The following NRG3 variants were observed in gnomAD, a reference collection of about 807,000 sequenced individuals.
NRG3 encodes neuregulin 3, also known as pro-neuregulin-3, membrane-bound isoform.
A neutral mutation model predicts 66.9 loss-of-function variants in NRG3; 31 were observed. That is an observed-to-expected ratio of 0.46 (90% CI 0.35 to 0.63). NRG3 has a LOEUF of 0.63. NRG3 is among the 20% of genes least tolerant of loss of function. The pLI, the probability that NRG3 is intolerant of heterozygous loss-of-function variation, is 0.00. For missense variants in NRG3, 910 were observed against 878.9 expected (o/e 1.04, Z -0.45); for synonymous variants, 393 against 359.4 (o/e 1.09, Z -1.06).
intron 2 of NRG3, among the ~76,000 whole-genome samples, chr10:82,362,331 A>G (rs532616501): frequency 5.0e-4 from 62 of 123,776 alleles, no homozygotes; most frequent in African/African-American, 2.2e-3. Context: ...GTGTATATAT[A>G]TATGTGTGTG....
At chr10:82,644,096 T>C (rs1248954150) in intron 2 of NRG3, among the ~76,000 whole-genome samples, 4 of 152,170 alleles carry the variant, frequency 2.6e-5, no homozygotes, top group Non-Finnish European at 5.9e-5. Context: ...TTCTGCCTTG[T>C]CTGCCAGCTT....
At chr10:81,970,708 G>C (rs562615138) in intron 1 of NRG3, among the ~76,000 whole-genome samples, 1 of 151,990 alleles carries the variant, frequency 6.6e-6, no homozygotes. Context: ...GCTAGACCAA[G>C]GTATGGAGAG....
chr10:82,435,857 G>C (rs139948197), intron 2 of NRG3, among the ~76,000 whole-genome samples: 380 of 148,088 alleles, frequency 2.6e-3, no homozygotes, highest in African/African-American at 9.0e-3. Context: ...TTGGTTTTGA[G>C]TGAGTTTCTT....
intron 3 of NRG3, among the ~76,000 whole-genome samples, chr10:82,795,227 T>A (rs1050116165): frequency 2.6e-5 from 4 of 152,222 alleles, no homozygotes; most frequent in Admixed American, 6.5e-5. Context: ...TGACATTTTT[T>A]AAAAAGTTAC....
At chr10:82,707,018 A>ATAT (rs2056344007) in intron 2 of NRG3, among the ~76,000 whole-genome samples, 115 of 141,308 alleles carry the variant, frequency 8.1e-4, no homozygotes, top group African/African-American at 2.9e-3. Context: ...AAATAAAATA[A>ATAT]ATATATATAT....
intron 3 of NRG3, among the ~76,000 whole-genome samples, chr10:82,856,756 C>CAAAAAAAAAAAAAAAAAAAAAA (rs67224862): frequency 1.1e-4 from 12 of 107,462 alleles, no homozygotes; most frequent in Non-Finnish European, 1.2e-4. Context: ...AAAAAAAAAA[C>CAAAAAAAAAAAAAAAAAAAAAA]AAAAAAAAAA....
intron 2 of NRG3, among the ~76,000 whole-genome samples, chr10:82,496,181 C>G (rs1320565434): frequency 1.3e-5 from 2 of 152,100 alleles, no homozygotes; most frequent in Non-Finnish European, 2.9e-5. Flanking sequence ...TACATTCAAA[C>G]AATTTTAGGT....
rs140711526 is a variant in NRG3 at position 82,339,488 on chromosome 10, A to G, written c.824-19251A>G. 8.2e-3 allele frequency among the ~76,000 whole-genome samples: 1,246 copies of G among 152,242 alleles called. 9 individuals are homozygous for G. Among genetic ancestry groups the G allele is most frequent in the South Asian group, 0.023 (111 of 4,814 alleles). ...CAGATCTTGTGAGAACTCACTCACT[A>G]TCACGAGAACAGCATGGGGGAGGCT... is the stretch of plus-strand genomic sequence containing the variant. On this transcript the variant is annotated intron_variant, in intron 1 of 8. Coordinates refer to ENST00000372141, the MANE Select transcript of NRG3 (RefSeq NM_001010848.4).
intron 1 of NRG3, among the ~76,000 whole-genome samples, chr10:82,315,667 GTTT>G (rs754250306): frequency 7.3e-6 from 1 of 136,348 alleles, no homozygotes; most frequent in Non-Finnish European, 1.6e-5. Flanking sequence ...TACGTTTGTT[GTTT>G]TTTTTTTTTT....
At chr10:82,850,252 G>A (rs751701243) in intron 3 of NRG3, among the ~76,000 whole-genome samples, 3 of 152,144 alleles carry the variant, frequency 2.0e-5, no homozygotes, top group Non-Finnish European at 4.4e-5. Context: ...AGAGAATTTG[G>A]CTTGCTGTAG....
chr10:82,011,038 G>A (rs2061554527), intron 1 of NRG3, among the ~76,000 whole-genome samples: 1 of 152,170 alleles, frequency 6.6e-6, no homozygotes, highest in South Asian at 2.1e-4. Context: ...TGACAGAAGT[G>A]TTTCCAACTA....
At chr10:81,950,783 A>G (rs929070435) in intron 1 of NRG3, among the ~76,000 whole-genome samples, 2 of 152,230 alleles carry the variant, frequency 1.3e-5, no homozygotes, top group Admixed American at 6.5e-5. Context: ...ACACAGCTAT[A>G]AAAGGCAACG....
intron 2 of NRG3, among the ~76,000 whole-genome samples, chr10:82,495,278 C>T (rs1843515622): frequency 1.3e-5 from 2 of 152,078 alleles, no homozygotes; most frequent in Admixed American, 1.3e-4. Context: ...AGTTGTAGTC[C>T]CAAGGCTATC....
intron 3 of NRG3, among the ~76,000 whole-genome samples, chr10:82,788,497 G>A (rs11195966): frequency 0.053 from 7,995 of 152,230 alleles, 293 homozygotes; most frequent in Non-Finnish European, 0.08. Context: ...TTGAACCCAG[G>A]AGGAGGAGGT....
intron 2 of NRG3, among the ~76,000 whole-genome samples, chr10:82,452,488 A>G (rs886346643): frequency 3.3e-5 from 5 of 152,192 alleles, no homozygotes; most frequent in African/African-American, 9.7e-5. Flanking sequence ...TTGCATTACA[A>G]GTTGAAATTC....
intron 4 of NRG3, among the ~76,000 whole-genome samples, chr10:82,913,769 T>C (rs1845559070): frequency 6.6e-6 from 1 of 152,230 alleles, no homozygotes; most frequent in Non-Finnish European, 1.5e-5. Flanking sequence ...AGATTTAACA[T>C]GATGCATAAT....
Position 82,572,926 on chromosome 10 carries a change from T to C in NRG3, c.954-165651T>C, listed in dbSNP as rs907573467. ...TGTAAGAATTCTGCTTATCTGGCAT[T>C]CAATTTGATGCCAAGGTGCAGCTTG... On this transcript the variant is annotated intron_variant, in intron 2 of 8. Transcript: ENST00000372141. Among the ~76,000 whole-genome samples the C allele has an allele frequency of 2.0e-5, 3 of 151,806 alleles. No individual in the cohort carries two copies. In the East Asian group the frequency reaches 5.8e-4, roughly 29 times the overall value.
intron 1 of NRG3, among the ~76,000 whole-genome samples, chr10:81,962,343 C>G (rs1006873727): frequency 2.6e-5 from 4 of 152,194 alleles, no homozygotes; most frequent in African/African-American, 7.2e-5. Flanking sequence ...TTCCTTTCCT[C>G]TTGCTACCAC....
chr10:82,521,582 C>T (rs879391542), intron 2 of NRG3, among the ~76,000 whole-genome samples: 3 of 152,086 alleles, frequency 2.0e-5, no homozygotes, highest in Non-Finnish European at 2.9e-5. Flanking sequence ...CCTCGTGATC[C>T]GCCCGCCTTG....
Sources: gnomAD v4.1 joint callset for allele counts (sites outside exome capture counted in the v4.1 genomes callset) on GRCh38, gnomAD v4.1.1 for gene constraint, MANE v1.5 for transcripts, NCBI Gene and HGNC (gene_info 2026-07-23, HGNC 2026-07-21) for gene names.